Variants in ZSCAN10 observed in about 807,000 individuals in gnomAD.
The protein encoded by ZSCAN10 is zinc finger and SCAN domain containing 10.
Under a neutral mutation model 63.7 loss-of-function variants are expected in ZSCAN10, and 52 were observed. The ratio of observed to expected loss-of-function variants is 0.82; its 90% CI spans 0.65 to 1.03. The LOEUF (loss-of-function observed/expected upper bound fraction) is 1.03, where lower values mean the gene tolerates loss of function less well. ZSCAN10 is among the 50% of genes least tolerant of loss of function. The pLI is 0.00. For synonymous variants in ZSCAN10, 544 were observed against 479.6 expected, an observed-to-expected ratio of 1.13 and a Z score of -1.76; for missense variants, 1,223 against 1,103.8, an observed-to-expected ratio of 1.11 and a Z score of -1.53.
Position 3,092,254 on chromosome 16 carries a change from C to A in ZSCAN10, c.459G>T (p.Gly153=). The A allele has an allele frequency of 6.2e-7, 1 of 1,613,206 alleles. No individual in the cohort carries two copies. Among genetic ancestry groups the A allele is most frequent in the Non-Finnish European group, 8.5e-7 (1 of 1,180,002 alleles). The part of the protein sequence containing the change: ...PRADVTLEEK[G]CASQVPSHSP... ...TGTGGCTGGGGACCTGGGAAGCACA[C>A]CCCTTTTCCTCCAAGGTGACGTCTG... Residue 153 remains glycine (G), a synonymous_variant, in exon 3 of 6, where the codon GGG becomes GGT. Transcript: ENST00000576985.
In ZSCAN10 at chr16:3,090,590, C is replaced by A. The variant is rs770968520; in HGVS notation, c.844G>T (p.Ala282Ser). Residue 282 changes from alanine to serine, a missense_variant, in exon 6 of 6, where the codon GCT (alanine) becomes TCT (serine). Physicochemically the swap from Ala to Ser is moderately conservative, Grantham distance 99. Coordinates refer to ENST00000576985, the MANE Select transcript of ZSCAN10 (RefSeq NM_032805.3). Reference protein sequence around the residue: ...EEFKQEEPKGAAWPTPILAES... With the variant: ...EEFKQEEPKGSAWPTPILAES... The stretch of plus-strand genomic sequence containing the variant: ...GCTAAGATGGGAGTGGGCCAGGCAG[C>A]CCCTTTGGGCTCTTCTTGTTTAAAT... The A allele has an allele frequency of 1.2e-5, 19 of 1,562,752 alleles. No individual in the cohort carries two copies. Among genetic ancestry groups the A allele is most frequent in the Middle Eastern group, 1.7e-4 (1 of 5,878 alleles).
rs1230711555 is a variant in ZSCAN10 at position 3,091,848 on chromosome 16, G to A, written c.665-20C>T. 1.3e-6 allele frequency: 2 copies of A among 1,575,930 alleles called. No homozygotes were observed. The highest frequency in any genetic ancestry group is 1.7e-6 in the Non-Finnish European group (2 of 1,160,998). On this transcript the variant is annotated intron_variant, in intron 3 of 5. Transcript: ENST00000576985. ...GGGGACCTGACGGCATTGGGGAAGA[G>A]GGGAGGAAGTGCTGTTAGAAGGCAG...
At position 3,090,107 on chromosome 16, in the gene ZSCAN10, G is replaced by T; in HGVS notation, c.1327C>A (p.Arg443Ser). ...AGGTGCTGCACAAGGCTGGCGCGGC[G>T]CTGGAAGCCGCGGCCGCACTCTGCG... ...LCAECGRGFQ[R>S]RASLVQHLLA... Residue 443 changes from arginine (R) to serine (S), a missense_variant, in exon 6 of 6, where the codon CGC becomes AGC. Coordinates refer to ENST00000576985, the MANE Select transcript of ZSCAN10 (RefSeq NM_032805.3). 1.2e-6 allele frequency: 2 copies of T among 1,601,646 alleles called. No individual in the cohort carries two copies. The highest frequency in any genetic ancestry group is 2.2e-5 in the East Asian group (1 of 44,770).
chr16:3,092,293 C>G lies in ZSCAN10; in HGVS notation c.420G>C (p.Lys140Asn). 1 of 1,608,822 alleles carries G rather than the reference C, an allele frequency of 6.2e-7. No individual in the cohort carries two copies. The highest frequency in any genetic ancestry group is 8.5e-7 in the Non-Finnish European group (1 of 1,177,764). Residue 140 changes from lysine (K) to asparagine (N), a missense_variant, in exon 3 of 6, where the codon AAG (lysine) becomes AAC (asparagine). Physicochemically the swap from Lys to Asn is moderately conservative, Grantham distance 94. Coordinates refer to ENST00000576985, the MANE Select transcript of ZSCAN10 (RefSeq NM_032805.3). ...GPLDFSCNAG[K>N]SCPRADVTLE... ...AGGTGACGTCTGCACGGGGACAACT[C>G]TTGCCAGCATTACAACTAAAATCCT...
chr16:3,089,326 G>C lies in ZSCAN10; in HGVS notation c.2108C>G (p.Ala703Gly). Residue 703 changes from alanine (A) to glycine (G), a missense_variant, in exon 6 of 6, where the codon GCG becomes GGG. By Grantham distance (60) the Ala-to-Gly change is moderately conservative. Coordinates refer to ENST00000576985, the MANE Select transcript of ZSCAN10 (RefSeq NM_032805.3). ...QTCGRSFRRN[A>G]HLRRHLATHA... ...GGTAGCCAGGTGCCGCCGCAGATGC[G>C]CGTTGCGCCGGAAGCTGCGACCGCA... is the stretch of plus-strand genomic sequence containing the variant. The C allele has an allele frequency of 6.3e-7, 1 of 1,583,820 alleles. No individual in the cohort carries two copies. Among genetic ancestry groups the C allele is most frequent in the Non-Finnish European group, 8.5e-7 (1 of 1,171,090 alleles).
intron 1 of ZSCAN10, among the ~76,000 whole-genome samples, chr16:3,096,753 C>T (rs1387665241): frequency 6.6e-6 from 1 of 151,948 alleles, no homozygotes; most frequent in Non-Finnish European, 1.5e-5. Context: ...TATGGTGAAA[C>T]CCTTGTCTCT....
chr16:3,091,392 C>T, intron 5 of ZSCAN10, 148 bp downstream of exon 5: 3 of 835,186 alleles, frequency 3.6e-6, no homozygotes, highest in South Asian at 3.1e-5. Context: ...GCCTGTAATC[C>T]TAGTACTTTG....
At chr16:3,098,130 C>T (rs933659585) in intron 1 of ZSCAN10, among the ~76,000 whole-genome samples, 4 of 150,310 alleles carry the variant, frequency 2.7e-5, no homozygotes, top group African/African-American at 4.9e-5. Context: ...AATGGGATTA[C>T]GTTTCACTGG....
chr16:3,089,669 G>A lies in ZSCAN10; in HGVS notation c.1765C>T (p.Arg589Cys), dbSNP rs1017863494. The part of the protein sequence containing the change: ...ACPQCGKRFV[R>C]RASLARHLLT... ...AGGTGGCGGGCAAGGCTGGCCCGGC[G>A]CACAAAGCGCTTCCCGCACTGCGGA... Residue 589 changes from arginine to cysteine, a missense_variant, in exon 6 of 6, where the codon CGC (arginine) becomes TGC (cysteine). Coordinates refer to ENST00000576985, the MANE Select transcript of ZSCAN10 (RefSeq NM_032805.3). 3.8e-6 allele frequency: 6 copies of A among 1,596,982 alleles called. No homozygotes were observed. In the East Asian group the frequency reaches 1.1e-4, roughly 30 times the overall value.
intron 1 of ZSCAN10, among the ~76,000 whole-genome samples, chr16:3,093,783 C>A (rs778620680): frequency 2.0e-5 from 3 of 148,302 alleles, no homozygotes; most frequent in Non-Finnish European, 4.4e-5. Flanking sequence ...CAGGTTCAAG[C>A]GATTCTCATT....
In ZSCAN10 at chr16:3,090,615, T is replaced by C. The variant is rs3810808; in HGVS notation, c.819A>G (p.Glu273=). ...GFGSRTPDKE[E]FKQEEPKGAA... ...CCCCTTTGGGCTCTTCTTGTTTAAA[T>C]TCCTCCTTGTCTGGGGTTCTGCTTC... Residue 273 remains glutamate (E), a synonymous_variant, in exon 6 of 6, where the codon GAA becomes GAG. Coordinates refer to ENST00000576985, the MANE Select transcript of ZSCAN10 (RefSeq NM_032805.3). The C allele has an allele frequency of 0.047, 73,273 of 1,552,974 alleles. 2,685 individuals carry two copies. The highest frequency in any genetic ancestry group is 0.2 in the East Asian group (8,772 of 43,898).
chr16:3,090,353 G>GA lies in ZSCAN10; in HGVS notation c.1080dup (p.Arg361SerfsTer105), dbSNP rs1567165236. 6.2e-7 allele frequency: 1 copy of GA among 1,612,022 alleles called. No homozygotes were observed. The highest frequency in any genetic ancestry group is 8.5e-7 in the Non-Finnish European group (1 of 1,179,190). Reference sequence around the variant, plus strand: ...GAGCGCAGCTGGTGCGCCTTCAGGCGAGACAGCTGCGGGAAGCTCACCCCG... The same window carrying GA: ...GAGCGCAGCTGGTGCGCCTTCAGGCGAAGACAGCTGCGGGAAGCTCACCCCG... On this transcript the variant is annotated frameshift_variant, in exon 6 of 6. Transcript: ENST00000576985. LOFTEE classifies it high-confidence loss of function.
At chr16:3,091,479 TA>T (rs528051092) in intron 5 of ZSCAN10, 60 bp downstream of exon 5, 43 of 1,578,998 alleles carry the variant, frequency 2.7e-5, no homozygotes, top group Non-Finnish European at 3.7e-5. Flanking sequence ...TCCATCTCTT[TA>T]AAAAAGACAA....
intron 1 of ZSCAN10, among the ~76,000 whole-genome samples, chr16:3,095,434 G>A (rs931686617): frequency 4.0e-5 from 6 of 151,790 alleles, no homozygotes; most frequent in African/African-American, 7.3e-5. Context: ...GGAGAGTGGC[G>A]TGAACCCCGG....
rs1290363838 is a variant in ZSCAN10 at position 3,089,243 on chromosome 16, T to C, written c.2191A>G (p.Lys731Glu). ...EPPQECVECG[K>E]SFSRSCNLLR... is the part of the protein sequence containing the mutation. Reference sequence around the variant, plus strand: ...AGATTGCAGCTGCGGCTGAAGCTCTTCCCGCACTCCACGCACTCCTGCGGG... The same window carrying C: ...AGATTGCAGCTGCGGCTGAAGCTCTCCCCGCACTCCACGCACTCCTGCGGG... Residue 731 changes from lysine to glutamate, a missense_variant, in exon 6 of 6, where the codon AAG (lysine) becomes GAG (glutamate). By Grantham distance (56) the Lys-to-Glu change is moderately conservative. Transcript: ENST00000576985. 6.3e-7 allele frequency: 1 copy of C among 1,582,240 alleles called. No individual in the cohort carries two copies. The highest frequency in any genetic ancestry group is 8.5e-7 in the Non-Finnish European group (1 of 1,171,522).
At chr16:3,095,523 A>ATT (rs1957141978) in intron 1 of ZSCAN10, among the ~76,000 whole-genome samples, 1 of 148,202 alleles carries the variant, frequency 6.7e-6, no homozygotes, top group African/African-American at 2.5e-5. Flanking sequence ...TCAAAAAAAA[A>ATT]AAAAATTAAA....
At position 3,090,150 on chromosome 16, in the gene ZSCAN10, G is replaced by C. The variant is rs775967245; in HGVS notation, c.1284C>G (p.Ser428=). 10 of 1,601,502 alleles carry C rather than the reference G, an allele frequency of 6.2e-6. No homozygotes were observed. The African/African-American group carries it at 8.0e-5, about 13-fold the overall frequency. Residue 428 remains serine, a synonymous_variant, in exon 6 of 6, where the codon TCC becomes TCG. Coordinates refer to ENST00000576985, the MANE Select transcript of ZSCAN10 (RefSeq NM_032805.3). The part of the protein sequence containing the change: ...HLSKHLLTHS[S]EPAFLCAECG... ...ACTCTGCGCACAGGAAGGCGGGTTC[G>C]GAGGAGTGGGTCAGCAGGTGCTTGC...
chr16:3,094,275 A>G (rs1179477828), intron 1 of ZSCAN10, among the ~76,000 whole-genome samples: 1 of 152,202 alleles, frequency 6.6e-6, no homozygotes, highest in East Asian at 1.9e-4. Context: ...CAGCCTCTCA[A>G]AGTGCTGGAA....
At position 3,089,004 on chromosome 16, in the gene ZSCAN10, T is replaced by C; in HGVS notation, c.*87A>G. 7.2e-7 allele frequency: 1 copy of C among 1,391,256 alleles called. No individual in the cohort carries two copies. The highest frequency in any genetic ancestry group is 9.3e-7 in the Non-Finnish European group (1 of 1,080,586). The allele number at this position is 1,391,256 out of a possible 1,614,324, so 86.2% of individuals were successfully genotyped here. A position where few individuals can be genotyped will look rare whatever the true frequency, so the allele number is the denominator to read the frequency against. On this transcript the variant is annotated 3_prime_UTR_variant, in exon 6 of 6. Transcript: ENST00000576985. ...AGTGGAAGGAGAGGGAAGTGGGGTG[T>C]GGTGGGAAGGGACATTCCTGCAGGC...
Sources: gnomAD v4.1 joint callset for allele counts (sites outside exome capture counted in the v4.1 genomes callset) on GRCh38, gnomAD v4.1.1 for gene constraint, MANE v1.5 for transcripts, NCBI Gene and HGNC (gene_info 2026-07-23, HGNC 2026-07-21) for gene names.